The following CACNB4 variants were observed in gnomAD, a reference collection of about 807,000 sequenced individuals.
CACNB4 encodes voltage-dependent L-type calcium channel subunit beta-4.
In CACNB4, 32 loss-of-function variants were observed where a neutral mutation model predicts 71.2. That is an observed-to-expected ratio of 0.45 (90% CI 0.34 to 0.60). The LOEUF is 0.60. Ranked by LOEUF, CACNB4 falls within the 20% of genes least tolerant of loss-of-function variation. The pLI is 0.01. For synonymous variants in CACNB4, 231 were observed against 236.9 expected (o/e 0.97, Z 0.23); for missense variants, 464 against 647.9 (o/e 0.72, Z 3.08).
At chr2:151,920,831 C>T (rs976703338) in intron 2 of CACNB4, among the ~76,000 whole-genome samples, 1 of 152,166 alleles carries the variant, frequency 6.6e-6, no homozygotes, top group East Asian at 1.9e-4. Flanking sequence ...GAATCCTTAG[C>T]TTTTGCCATC....
intron 2 of CACNB4, among the ~76,000 whole-genome samples, chr2:151,983,528 A>C (rs1352455558): frequency 6.6e-6 from 1 of 152,216 alleles, no homozygotes; most frequent in East Asian, 1.9e-4. Context: ...CTACATAGAA[A>C]ACAGTATAAA....
At chr2:151,917,340 T>C (rs1046800842) in intron 2 of CACNB4, among the ~76,000 whole-genome samples, 5 of 151,820 alleles carry the variant, frequency 3.3e-5, no homozygotes, top group African/African-American at 9.7e-5. Context: ...GGTTCTGGAG[T>C]ATAAGGAATA....
intron 2 of CACNB4, among the ~76,000 whole-genome samples, chr2:152,082,285 C>T (rs1403466791): frequency 3.9e-5 from 6 of 152,202 alleles, no homozygotes; most frequent in African/African-American, 1.4e-4. Context: ...CTCTTTGCTA[C>T]ATTATAAAAG....
At chr2:152,053,140 T>C (rs1218363120) in intron 2 of CACNB4, among the ~76,000 whole-genome samples, 2 of 152,158 alleles carry the variant, frequency 1.3e-5, no homozygotes, top group African/African-American at 2.4e-5. Flanking sequence ...AAAGTGAATA[T>C]CTGATGGCTG....
chr2:151,982,599 C>G lies in CACNB4; in HGVS notation c.148-99229G>C, dbSNP rs139805880. 5.3e-3 allele frequency among the ~76,000 whole-genome samples: 785 copies of G among 148,658 alleles called. 9 individuals are homozygous for G. Among genetic ancestry groups the G allele is most frequent in the East Asian group, 0.048 (242 of 5,010 alleles). On this transcript the variant is annotated intron_variant, in intron 2 of 13. Transcript: ENST00000539935. ...AGTGAGCTGAGATTGCACCACTGCA[C>G]TCCAGCCTGGACGACAGAGCGAGAC...
At chr2:151,995,899 G>C (rs1682014988) in intron 2 of CACNB4, among the ~76,000 whole-genome samples, 1 of 152,184 alleles carries the variant, frequency 6.6e-6, no homozygotes, top group African/African-American at 2.4e-5. Flanking sequence ...TCTCCAAATA[G>C]CTTTCATTCT....
chr2:151,874,569 T>C lies in CACNB4; in HGVS notation c.521+1857A>G, dbSNP rs1246138076. ...CAAGTTATATGCTAAAAAAGATTGG[T>C]AATTAAAAGTGGGGTAACTATACTT... On this transcript the variant is annotated intron_variant, in intron 5 of 13. Coordinates refer to ENST00000539935, the MANE Select transcript of CACNB4 (RefSeq NM_000726.5). 3.3e-5 allele frequency among the ~76,000 whole-genome samples: 5 copies of C among 152,050 alleles called. No homozygotes were observed. The East Asian group carries it at 9.6e-4, about 29-fold the overall frequency.
chr2:151,944,230 G>T lies in CACNB4; in HGVS notation c.148-60860C>A, dbSNP rs982090078. Among the ~76,000 whole-genome samples, 10 of 151,918 alleles carry T rather than the reference G, an allele frequency of 6.6e-5. No individual in the cohort carries two copies. In the East Asian group the frequency reaches 1.8e-3, roughly 27 times the overall value. On this transcript the variant is annotated intron_variant, in intron 2 of 13. Coordinates refer to ENST00000539935, the MANE Select transcript of CACNB4 (RefSeq NM_000726.5). ...GTTTTTAACTTTTTTTGTAGAGATG[G>T]AGTTTCGCTTTGTTGCCCAGGCTTG...
Position 151,838,883 on chromosome 2 carries a change from T to C in CACNB4, c.*236A>G. ...CTAAATCTATGAAGAAAACAAAATGTACTGTTATCATGTAAATGTTGCACT... is the reference window on the plus strand; with the variant it reads ...CTAAATCTATGAAGAAAACAAAATGCACTGTTATCATGTAAATGTTGCACT... On this transcript the variant is annotated 3_prime_UTR_variant, in exon 14 of 14. Coordinates refer to ENST00000539935, the MANE Select transcript of CACNB4 (RefSeq NM_000726.5). The C allele has an allele frequency of 2.6e-6, 1 of 388,466 alleles. No homozygotes were observed. Among genetic ancestry groups the C allele is most frequent in the Non-Finnish European group, 4.6e-6 (1 of 215,792 alleles). 24.1% of individuals were successfully genotyped at this position (388,466 alleles called of 1,614,324 possible).
chr2:152,098,502 G>A lies in CACNB4; in HGVS notation c.64-89C>T. The A allele has an allele frequency of 7.1e-7, 1 of 1,400,224 alleles. No homozygotes were observed. Among genetic ancestry groups the A allele is most frequent in the Non-Finnish European group, 1.0e-6 (1 of 987,670 alleles). 86.7% of individuals were successfully genotyped at this position (1,400,224 alleles called of 1,614,324 possible). A position where few individuals can be genotyped will look rare whatever the true frequency, so the allele number is the denominator to read the frequency against. ...CACCCCCGGCTGGAGTCCGCCTCCG[G>A]ACCCGCTCCCTGGGGTCCCCTAGAG... On this transcript the variant is annotated intron_variant, in intron 1 of 13. Coordinates refer to ENST00000539935, the MANE Select transcript of CACNB4 (RefSeq NM_000726.5). This position sits in a 1 kb window ranked among gnomAD's most constrained non-coding sequence, Gnocchi z 5.3.
chr2:151,850,192 T>G (rs1401627793), intron 12 of CACNB4: 1 of 137,934 alleles, frequency 7.2e-6, no homozygotes, highest in Non-Finnish European at 1.5e-5. Flanking sequence ...TCACCCAGGC[T>G]GGAGTGCAGT....
At chr2:151,921,025 C>T (rs1206050788) in intron 2 of CACNB4, among the ~76,000 whole-genome samples, 1 of 151,922 alleles carries the variant, frequency 6.6e-6, no homozygotes, top group Non-Finnish European at 1.5e-5. Flanking sequence ...CCTGTAGTCC[C>T]AGCTACTTGG....
chr2:151,974,042 C>T, intron 2 of CACNB4: 1 of 1,014,124 alleles, frequency 9.9e-7, no homozygotes, highest in Non-Finnish European at 1.2e-6. Context: ...AGAGCGTTCC[C>T]TCGGAGAGTG....
intron 2 of CACNB4, among the ~76,000 whole-genome samples, chr2:152,065,448 G>C (rs1254880547): frequency 1.3e-5 from 2 of 151,922 alleles, no homozygotes; most frequent in Non-Finnish European, 2.9e-5. Context: ...ACTTCACTTA[G>C]GGCTTGGTTA....
At chr2:152,062,047 A>AATAATAATG (rs1394890302) in intron 2 of CACNB4, among the ~76,000 whole-genome samples, 1 of 147,464 alleles carries the variant, frequency 6.8e-6, no homozygotes, top group Non-Finnish European at 1.5e-5. Flanking sequence ...TAATAATAAT[A>AATAATAATG]ATGATTAGGA....
At chr2:151,843,741 T>G (rs2099836844) in intron 12 of CACNB4, among the ~76,000 whole-genome samples, 1 of 152,206 alleles carries the variant, frequency 6.6e-6, no homozygotes, top group Non-Finnish European at 1.5e-5. Flanking sequence ...CCATCGGCAC[T>G]GATAAAGCTG....
chr2:152,037,088 A>C (rs1333363092), intron 2 of CACNB4, among the ~76,000 whole-genome samples: 1 of 152,206 alleles, frequency 6.6e-6, no homozygotes, highest in Non-Finnish European at 1.5e-5. Flanking sequence ...GGCTCAGGCC[A>C]GTTGATTCTT....
At chr2:152,021,734 AG>A (rs1378423695) in intron 2 of CACNB4, among the ~76,000 whole-genome samples, 1 of 152,258 alleles carries the variant, frequency 6.6e-6, no homozygotes, top group Non-Finnish European at 1.5e-5. Flanking sequence ...ACAACTCACA[AG>A]GAACTAGACA....
At chr2:152,056,317 C>T (rs181812055) in intron 2 of CACNB4, among the ~76,000 whole-genome samples, 25 of 150,746 alleles carry the variant, frequency 1.7e-4, no homozygotes, top group African/African-American at 5.6e-4. Context: ...GCCAAGATCA[C>T]GCCACTGCAC....
Sources: gnomAD v4.1 joint callset for allele counts (sites outside exome capture counted in the v4.1 genomes callset) on GRCh38, gnomAD v4.1.1 for gene constraint, Gnocchi (gnomAD v3.1) non-coding constraint, MANE v1.5 for transcripts, NCBI Gene and HGNC (gene_info 2026-07-23, HGNC 2026-07-21) for gene names.